The following RSPH3 variants were observed in gnomAD, a reference collection of about 807,000 sequenced individuals.
RSPH3 encodes the protein radial spoke head protein 3 homolog.
Under a neutral mutation model 43.8 loss-of-function variants are expected in RSPH3, and 21 were observed. The ratio of observed to expected loss-of-function variants is 0.48; its 90% CI spans 0.34 to 0.69. The LOEUF (loss-of-function observed/expected upper bound fraction) is 0.69, where lower values mean the gene tolerates loss of function less well. Among genes scored for constraint, RSPH3 ranks in the 30% least tolerant of loss-of-function variants. The pLI, the probability that RSPH3 is intolerant of heterozygous loss-of-function variation, is 0.01. For missense variants in RSPH3, 487 were observed against 516.0 expected (o/e 0.94, Z 0.54); for synonymous variants, 173 against 179.8 (o/e 0.96, Z 0.30).
At chr6:158,986,239 G>T in intron 3 of RSPH3, 41 bp downstream of exon 3, 1 of 1,601,872 alleles carries the variant, frequency 6.2e-7, no homozygotes, top group Non-Finnish European at 8.5e-7. Context: ...AGACAACTGA[G>T]TAAACCAAGA....
chr6:158,997,991 G>T (rs1405280529), intron 1 of RSPH3, among the ~76,000 whole-genome samples: 1 of 151,916 alleles, frequency 6.6e-6, no homozygotes, highest in Non-Finnish European at 1.5e-5. Flanking sequence ...TTGACAATTC[G>T]TATTAAGTGC....
chr6:158,999,662 C>A lies in RSPH3; in HGVS notation c.-112G>T. The A allele has an allele frequency of 1.2e-6, 2 of 1,614,012 alleles. No individual in the cohort carries two copies. Among genetic ancestry groups the A allele is most frequent in the African/African-American group, 2.7e-5 (2 of 75,032 alleles). On this transcript the variant is annotated 5_prime_UTR_variant, in exon 1 of 8. Coordinates refer to ENST00000367069, the MANE Select transcript of RSPH3 (RefSeq NM_031924.8). ...AGTAGTGCCAAGGGCAAGGATTCCG[C>A]GACGCGAGGAGAGGCGACAACAAGG... is the stretch of plus-strand genomic sequence containing the variant.
chr6:158,998,791 G>A (rs1778723561), intron 1 of RSPH3, among the ~76,000 whole-genome samples: 1 of 151,748 alleles, frequency 6.6e-6, no homozygotes, highest in Non-Finnish European at 1.5e-5. Flanking sequence ...GGAGGAGTGG[G>A]GGAGGGGGGC....
At position 158,999,750 on chromosome 6, in the gene RSPH3, G is replaced by A. The variant is rs1028646396; in HGVS notation, c.-200C>T. On this transcript the variant is annotated 5_prime_UTR_variant, in exon 1 of 8. Transcript: ENST00000367069. ...GGGAGCTATACTGGGCTCGCTCCCAGCACCACAGAGACCAGCTGCGGGGGC... is the reference window on the plus strand; with the variant it reads ...GGGAGCTATACTGGGCTCGCTCCCAACACCACAGAGACCAGCTGCGGGGGC... 5 of 1,611,462 alleles carry A rather than the reference G, an allele frequency of 3.1e-6. No individual in the cohort carries two copies. The African/African-American group carries it at 6.7e-5, about 22-fold the overall frequency.
downstream of RSPH3, among the ~76,000 whole-genome samples, chr6:158,969,154 A>T (rs1477437328): frequency 1.2e-4 from 18 of 152,110 alleles, no homozygotes; most frequent in Admixed American, 1.2e-3. Context: ...GTATCCTTTC[A>T]TTTCAGTATG....
rs919216744 is a variant in RSPH3 at position 158,983,257 on chromosome 6, A to AT, written c.492+404dup. ...CTGATAGAAAAATGTAATTATTAAA[A>AT]TTTTTTTTTTAAATGAGAGAATATC... On this transcript the variant is annotated intron_variant, in intron 4 of 7. Coordinates refer to ENST00000367069, the MANE Select transcript of RSPH3 (RefSeq NM_031924.8). Among the ~76,000 whole-genome samples the AT allele has an allele frequency of 9.3e-5, 14 of 151,240 alleles. No individual in the cohort carries two copies. In the East Asian group the frequency reaches 1.4e-3, roughly 15 times the overall value.
the RSPH3 span, among the ~76,000 whole-genome samples, chr6:158,965,021 G>T: frequency 6.6e-6 from 1 of 151,958 alleles, no homozygotes; most frequent in East Asian, 1.9e-4. Flanking sequence ...TAGCATGTGG[G>T]TATCTAGTTG....
rs1053005143 is a variant in RSPH3, at chr6:158,975,210, C to A, written c.*2328G>T. The stretch of plus-strand genomic sequence containing the variant: ...TAATAACAATAATAATCAGCAATAG[C>A]CCTAATTAAAAATTTTTGGTCTTCT... On this transcript the variant is annotated 3_prime_UTR_variant, in exon 8 of 8. Transcript: ENST00000367069. The A allele has an allele frequency of 1.3e-5, 2 of 152,038 alleles. No homozygotes were observed. The highest frequency in any genetic ancestry group is 4.8e-5 in the African/African-American group (2 of 41,400). The allele number at this position is 152,038 out of a possible 1,614,324, so 9.4% of individuals were successfully genotyped here.
At chr6:158,999,002 A>G (rs1778738825) in intron 1 of RSPH3, among the ~76,000 whole-genome samples, 1 of 152,190 alleles carries the variant, frequency 6.6e-6, no homozygotes, top group Non-Finnish European at 1.5e-5. Context: ...CCCATTTTGG[A>G]TATGCTACTG....
chr6:158,982,405 A>G lies in RSPH3; in HGVS notation c.696+80T>C, dbSNP rs1778062106. ...TCCCAAAGATCTTTAGTTTTATGAT[A>G]TATCATCACATGTAATTTTGAACAT... is the stretch of plus-strand genomic sequence containing the variant. On this transcript the variant is annotated intron_variant, in intron 5 of 7. Coordinates refer to ENST00000367069, the MANE Select transcript of RSPH3 (RefSeq NM_031924.8). 3 of 853,622 alleles carry G rather than the reference A, an allele frequency of 3.5e-6. No individual in the cohort carries two copies. In the East Asian group the frequency reaches 8.1e-5, roughly 23 times the overall value. 52.9% of individuals were successfully genotyped at this position (853,622 alleles called of 1,614,324 possible).
intron 2 of RSPH3, chr6:158,988,154 T>G (rs1583716014): frequency 6.8e-6 from 1 of 147,930 alleles, no homozygotes; most frequent in East Asian, 2.4e-4. Context: ...TATTGTTACA[T>G]GATTTTTTTT....
At position 158,989,518 on chromosome 6, in the gene RSPH3, C is replaced by T. The variant is rs537814593; in HGVS notation, c.205-3097G>A. 6.2e-4 allele frequency among the ~76,000 whole-genome samples: 94 copies of T among 152,214 alleles called. No homozygotes were observed. The highest frequency in any genetic ancestry group is 6.0e-3 in the South Asian group (29 of 4,816). On this transcript the variant is annotated intron_variant, in intron 2 of 7. Transcript: ENST00000367069. This position sits in a 1 kb window ranked among gnomAD's most constrained non-coding sequence, Gnocchi z 4.3. ...GGCTAGGGGTTTGTGCCCAGGGGAC[C>T]GGTACAATGTTATCTCCTACAATGT...
chr6:158,994,413 A>G (rs931517958), intron 1 of RSPH3, among the ~76,000 whole-genome samples: 1 of 152,202 alleles, frequency 6.6e-6, no homozygotes, highest in South Asian at 2.1e-4. Context: ...AAACCCAAAT[A>G]TATTTTTTAA....
intron 2 of RSPH3, among the ~76,000 whole-genome samples, chr6:158,992,504 GGCTGGTCTCAAGC>G (rs1778449911): frequency 6.9e-6 from 1 of 145,942 alleles, no homozygotes; most frequent in Admixed American, 6.9e-5. Context: ...ACATTGCCCA[GGCTGGTCTCAAGC>G]GCCTGGGCTC....
chr6:158,963,022 A>T, the RSPH3 span, among the ~76,000 whole-genome samples: 1 of 152,232 alleles, frequency 6.6e-6, no homozygotes, highest in East Asian at 1.9e-4. Context: ...AAGAGTAAAA[A>T]ATTAGGAAAG....
rs1474518617 is a variant in RSPH3, at chr6:158,977,853, A to G, written c.947-5T>C. On this transcript the variant is annotated splice_polypyrimidine_tract_variant and splice_region_variant and intron_variant, in intron 7 of 7. Transcript: ENST00000367069. ...CAACCACCTCACGGATCAACACTGAAAAGTTAAATGTTCAGACATCACTAT... is the reference window on the plus strand; with the variant it reads ...CAACCACCTCACGGATCAACACTGAGAAGTTAAATGTTCAGACATCACTAT... 6.3e-7 allele frequency: 1 copy of G among 1,597,854 alleles called. No homozygotes were observed. Among genetic ancestry groups the G allele is most frequent in the South Asian group, 1.1e-5 (1 of 88,482 alleles).
At chr6:158,967,090 GC>G in the RSPH3 span, among the ~76,000 whole-genome samples, 2 of 151,670 alleles carry the variant, frequency 1.3e-5, no homozygotes, top group African/African-American at 4.8e-5. Flanking sequence ...CATCACTGTA[GC>G]CTTGAACTCC....
chr6:158,968,716 T>C (rs1432092834), downstream of RSPH3, among the ~76,000 whole-genome samples: 1 of 152,108 alleles, frequency 6.6e-6, no homozygotes, highest in African/African-American at 2.4e-5. Context: ...TATTATTTAT[T>C]TATTTATTTA....
downstream of RSPH3, among the ~76,000 whole-genome samples, chr6:158,972,524 G>A (rs1473086258): frequency 1.3e-5 from 2 of 152,144 alleles, no homozygotes; most frequent in Admixed American, 6.5e-5. Context: ...TTATGGTCAC[G>A]AAATTATGTA....
Sources: allele counts gnomAD v4.1 joint callset (sites outside exome capture counted in the v4.1 genomes callset), GRCh38; gene constraint gnomAD v4.1.1; non-coding constraint Gnocchi (gnomAD v3.1); transcripts MANE v1.5; gene names NCBI Gene and HGNC (gene_info 2026-07-23, HGNC 2026-07-21).